NAV2: variants seen among roughly 807,000 people sequenced by gnomAD.
NAV2 encodes the protein neuron navigator 2.
Under a neutral mutation model 223.2 loss-of-function variants are expected in NAV2, and 54 were observed. That is an observed-to-expected ratio of 0.24 (90% CI 0.19 to 0.30). The LOEUF is 0.30. NAV2 is among the 10% of genes least tolerant of loss of function. The pLI, the probability that NAV2 is intolerant of heterozygous loss-of-function variation, is 1.00. For synonymous variants in NAV2, 1,279 were observed against 1,239.3 expected (o/e 1.03, Z -0.67); for missense variants, 2,806 against 3,147.5 (o/e 0.89, Z 2.60).
At chr11:19,484,334 G>A (rs779393182) in intron 1 of NAV2, among the ~76,000 whole-genome samples, 31 of 152,238 alleles carry the variant, frequency 2.0e-4, no homozygotes, top group Admixed American at 9.2e-4. Flanking sequence ...CATCTCTGAT[G>A]ACAGGGAGGT....
At chr11:19,628,421 C>T (rs1468219231) in intron 1 of NAV2, among the ~76,000 whole-genome samples, 1 of 152,170 alleles carries the variant, frequency 6.6e-6, no homozygotes, top group Non-Finnish European at 1.5e-5. Flanking sequence ...AGGCTCCTGG[C>T]AATCAGGGCA....
intron 1 of NAV2, among the ~76,000 whole-genome samples, chr11:19,755,456 C>T (rs983809453): frequency 5.9e-5 from 9 of 152,084 alleles, no homozygotes; most frequent in Non-Finnish European, 2.9e-5. Context: ...AAGAAAATAC[C>T]ATGAACTGGT....
At chr11:19,661,972 C>T (rs2048295032) in intron 1 of NAV2, among the ~76,000 whole-genome samples, 1 of 152,162 alleles carries the variant, frequency 6.6e-6, no homozygotes, top group Non-Finnish European at 1.5e-5. Context: ...ATGTCCACCC[C>T]AATCAATTGC....
chr11:20,043,652 G>C (rs2057161272), intron 12 of NAV2, among the ~76,000 whole-genome samples: 1 of 152,100 alleles, frequency 6.6e-6, no homozygotes, highest in South Asian at 2.1e-4. Flanking sequence ...ATGATGCCCA[G>C]GCTGGTCTTA....
intron 10 of NAV2, among the ~76,000 whole-genome samples, chr11:19,950,975 G>A (rs2047348387): frequency 6.6e-6 from 1 of 152,210 alleles, no homozygotes; most frequent in African/African-American, 2.4e-5. Flanking sequence ...AAGCATTCCT[G>A]CCTTCTGCGT....
chr11:20,078,462 G>C (rs1209470123), intron 24 of NAV2, among the ~76,000 whole-genome samples: 2 of 152,144 alleles, frequency 1.3e-5, no homozygotes, highest in Admixed American at 1.3e-4. Flanking sequence ...TCCAAGAAAA[G>C]ATTTCTTTTT....
At chr11:19,357,504 A>G (rs534322231) in intron 1 of NAV2, among the ~76,000 whole-genome samples, 32 of 152,360 alleles carry the variant, frequency 2.1e-4, no homozygotes, top group Non-Finnish European at 3.5e-4. Flanking sequence ...TACTTAGCAC[A>G]TAAGTATTAA....
chr11:19,661,853 A>G (rs545746275), intron 1 of NAV2, among the ~76,000 whole-genome samples: 1 of 152,356 alleles, frequency 6.6e-6, no homozygotes, highest in Admixed American at 6.5e-5. Flanking sequence ...GGAAACTAAT[A>G]AGAAGACTAA....
At chr11:19,736,970 G>A (rs543307170) in intron 1 of NAV2, among the ~76,000 whole-genome samples, 3 of 152,332 alleles carry the variant, frequency 2.0e-5, no homozygotes, top group Admixed American at 1.3e-4. Context: ...CCATTTTGGC[G>A]GGCCGGTCTC....
In NAV2 at chr11:19,666,562, G is replaced by C. The variant is rs549331558; in HGVS notation, c.76-165922G>C. Among the ~76,000 whole-genome samples, 63 of 152,282 alleles carry C rather than the reference G, an allele frequency of 4.1e-4. 1 individual carries two copies. Among genetic ancestry groups the C allele is most frequent in the African/African-American group, 1.4e-3 (60 of 41,556 alleles). ...TCCCCTGTAGCACAGTAGGCTCCCA[G>C]ACAGATTGTGGAGCTTGGGGATGTC... On this transcript the variant is annotated intron_variant, in intron 1 of 37. Transcript: ENST00000360655.
intron 22 of NAV2, among the ~76,000 whole-genome samples, chr11:20,072,658 G>T (rs1160368166): frequency 1.3e-5 from 2 of 152,156 alleles, no homozygotes; most frequent in African/African-American, 4.8e-5. Context: ...CACGTCCCTT[G>T]TAAGTTGTAT....
rs187606585 is a variant in NAV2 at position 19,553,634 on chromosome 11, A to G, written c.75+202607A>G. 1.6e-3 allele frequency among the ~76,000 whole-genome samples: 251 copies of G among 152,372 alleles called. 3 individuals carry two copies. Among genetic ancestry groups the G allele is most frequent in the Admixed American group, 0.016 (247 of 15,304 alleles). ...TGCGGGTGGCCTCAGGCTGGTTTGC[A>G]TCTTCACCTCTGGGAAGGATTGTTT... On this transcript the variant is annotated intron_variant, in intron 1 of 37. Transcript: ENST00000360655.
intron 1 of NAV2, among the ~76,000 whole-genome samples, chr11:19,434,819 G>T (rs943587750): frequency 1.4e-5 from 2 of 147,780 alleles, no homozygotes; most frequent in Admixed American, 6.8e-5. Flanking sequence ...ATGGTCAAAA[G>T]AAGCACAGGA....
At chr11:19,374,309 GT>G (rs10533713) in intron 1 of NAV2, among the ~76,000 whole-genome samples, 40,723 of 124,022 alleles carry the variant, frequency 0.33, 6,433 homozygotes, top group East Asian at 0.4. Context: ...TTCCGAAAAG[GT>G]TTTTTTTTTT....
intron 1 of NAV2, among the ~76,000 whole-genome samples, chr11:19,665,248 T>C (rs962064103): frequency 3.9e-5 from 6 of 152,206 alleles, no homozygotes; most frequent in Non-Finnish European, 7.3e-5. Context: ...ACTCTGTGGT[T>C]CCTGAAGCTC....
At chr11:20,009,182 T>C (rs1322425709) in intron 11 of NAV2, among the ~76,000 whole-genome samples, 1 of 152,210 alleles carries the variant, frequency 6.6e-6, no homozygotes, top group African/African-American at 2.4e-5. Flanking sequence ...AGGTTTAACC[T>C]TGGATCTATC....
At chr11:19,746,284 C>T (rs1426210080) in intron 1 of NAV2, among the ~76,000 whole-genome samples, 3 of 152,182 alleles carry the variant, frequency 2.0e-5, no homozygotes, top group Non-Finnish European at 2.9e-5. Context: ...ACAAGTGGAG[C>T]TCAACATATT....
chr11:19,827,640 T>G (rs1215214162), intron 1 of NAV2, among the ~76,000 whole-genome samples: 2 of 152,244 alleles, frequency 1.3e-5, no homozygotes, highest in African/African-American at 4.8e-5. Flanking sequence ...GCTGGAGGAC[T>G]TTCTGGGACA....
At chr11:19,438,348 G>A (rs1460346522) in intron 1 of NAV2, among the ~76,000 whole-genome samples, 1 of 152,222 alleles carries the variant, frequency 6.6e-6, no homozygotes, top group East Asian at 1.9e-4. Flanking sequence ...ACAGGGAGCA[G>A]GGGAAGCACA....
Sources: allele counts gnomAD v4.1 joint callset (sites outside exome capture counted in the v4.1 genomes callset), GRCh38; gene constraint gnomAD v4.1.1; transcripts MANE v1.5; gene names NCBI Gene and HGNC (gene_info 2026-07-23, HGNC 2026-07-21).